Variants in FIGN observed in about 807,000 individuals in gnomAD.
The protein encoded by FIGN is fidgetin, microtubule severing factor.
In FIGN, 11 loss-of-function variants were observed where a neutral mutation model predicts 51.3. The observed-to-expected ratio is 0.21, with a 90% confidence interval of 0.13 to 0.35. The LOEUF (loss-of-function observed/expected upper bound fraction) is 0.35. Ranked by LOEUF, FIGN falls within the 10% of genes least tolerant of loss-of-function variation. The probability of loss-of-function intolerance (pLI) is 1.00; values close to 1 mark genes in which losing one functional copy is unlikely to be tolerated. For missense variants in FIGN, 857 were observed against 943.6 expected, an observed-to-expected ratio of 0.91 and a Z score of 1.20; for synonymous variants, 407 against 363.2, an observed-to-expected ratio of 1.12 and a Z score of -1.37.
rs1308361820 is a variant in FIGN at position 163,610,912 on chromosome 2, G to A, written c.920C>T (p.Ala307Val). The stretch of plus-strand genomic sequence containing the variant: ...AGAACTTGCTGAACTGTTTGTCAGA[G>A]CCGACGGTGCAATAGGTGTCAAACC... ...GHGLTPIAPSALTNSSASSLK... is the reference protein window; with the variant it reads ...GHGLTPIAPSVLTNSSASSLK... The change falls in exon 3 of 3, where the codon GCT (alanine) becomes GTT (valine). Residue 307 changes from alanine (A) to valine (V), a missense_variant. By Grantham distance (64) the Ala-to-Val change is moderately conservative. Transcript: ENST00000333129. 6.2e-7 allele frequency: 1 copy of A among 1,613,752 alleles called. No individual in the cohort carries two copies. Among genetic ancestry groups the A allele is most frequent in the African/African-American group, 1.3e-5 (1 of 74,820 alleles).
At chr2:163,677,993 A>G (rs1168596496) in intron 2 of FIGN, among the ~76,000 whole-genome samples, 2 of 152,236 alleles carry the variant, frequency 1.3e-5, no homozygotes, top group Non-Finnish European at 2.9e-5. Flanking sequence ...AAAGCTGAAA[A>G]GATAGTAGAG....
At chr2:163,613,397 C>T (rs1558996091) in intron 2 of FIGN, among the ~76,000 whole-genome samples, 1 of 152,110 alleles carries the variant, frequency 6.6e-6, no homozygotes, top group African/African-American at 2.4e-5. Flanking sequence ...TGAATTACTA[C>T]AGTCTATTTT....
chr2:163,688,732 C>A lies in FIGN; in HGVS notation c.25+46171G>T, dbSNP rs563398509. Among the ~76,000 whole-genome samples, 10 of 152,234 alleles carry A rather than the reference C, an allele frequency of 6.6e-5. No individual in the cohort carries two copies. The South Asian group carries it at 1.2e-3, about 19-fold the overall frequency. On this transcript the variant is annotated intron_variant, in intron 2 of 2. Coordinates refer to ENST00000333129, the MANE Select transcript of FIGN (RefSeq NM_018086.4). The stretch of plus-strand genomic sequence containing the variant: ...CAAAGTTGGTCGCAAGAGGGAGAAC[C>A]TAAAGCCAAAGTTAACAACTCTGGA...
At chr2:163,669,356 C>T (rs948371222) in intron 2 of FIGN, among the ~76,000 whole-genome samples, 7 of 152,132 alleles carry the variant, frequency 4.6e-5, no homozygotes, top group South Asian at 2.1e-4. Flanking sequence ...GGACTACAGG[C>T]GCATGCCACC....
Position 163,614,511 on chromosome 2 carries a change from TC to T in FIGN, c.26-2706del, listed in dbSNP as rs377647398. Among the ~76,000 whole-genome samples the T allele has an allele frequency of 8.1e-4, 124 of 152,258 alleles. 2 individuals are homozygous for T. In the South Asian group the frequency reaches 0.019, roughly 24 times the overall value. On this transcript the variant is annotated intron_variant, in intron 2 of 2. Transcript: ENST00000333129. ...ATTTCTAGGGAATTTCTATTATGGT[TC>T]TTTTCTTTAAAATATTATCAAAATA...
At chr2:163,661,466 T>A (rs945714656) in intron 2 of FIGN, among the ~76,000 whole-genome samples, 1 of 151,510 alleles carries the variant, frequency 6.6e-6, no homozygotes, top group Non-Finnish European at 1.5e-5. Flanking sequence ...GTGTGATCTC[T>A]GCTCACTGCA....
intron 2 of FIGN, among the ~76,000 whole-genome samples, chr2:163,719,085 G>A (rs925682266): frequency 6.6e-6 from 1 of 151,966 alleles, no homozygotes; most frequent in Non-Finnish European, 1.5e-5. Flanking sequence ...CAGAAGATAC[G>A]ACAAGAGAAT....
At chr2:163,613,911 T>A (rs912616895) in intron 2 of FIGN, among the ~76,000 whole-genome samples, 1 of 152,294 alleles carries the variant, frequency 6.6e-6, no homozygotes, top group South Asian at 2.1e-4. Flanking sequence ...TGTAACTTAA[T>A]CAACCTAAAT....
rs572296638 is a variant in FIGN at position 163,638,787 on chromosome 2, C to A, written c.26-26981G>T. 2.0e-5 allele frequency among the ~76,000 whole-genome samples: 3 copies of A among 152,248 alleles called. No individual in the cohort carries two copies. In the South Asian group the frequency reaches 6.2e-4, roughly 32 times the overall value. Reference sequence around the variant, plus strand: ...GTAATTTCCTAATCATACTAATATTCATGCTTTTATCACTACCCAACCTAG... The same window carrying A: ...GTAATTTCCTAATCATACTAATATTAATGCTTTTATCACTACCCAACCTAG... On this transcript the variant is annotated intron_variant, in intron 2 of 2. Coordinates refer to ENST00000333129, the MANE Select transcript of FIGN (RefSeq NM_018086.4).
intron 2 of FIGN, among the ~76,000 whole-genome samples, chr2:163,719,985 TA>T (rs1559032221): frequency 6.6e-6 from 1 of 152,168 alleles, no homozygotes; most frequent in Admixed American, 6.5e-5. Flanking sequence ...TCATTTTTTT[TA>T]AACCTCTAAG....
intron 2 of FIGN, among the ~76,000 whole-genome samples, chr2:163,650,586 T>C (rs1683457635): frequency 6.8e-6 from 1 of 146,544 alleles, no homozygotes; most frequent in Non-Finnish European, 1.5e-5. Flanking sequence ...TTCCCCTCCC[T>C]GTGTCCATGT....
chr2:163,702,964 C>T (rs1023499155), intron 2 of FIGN, among the ~76,000 whole-genome samples: 6 of 151,366 alleles, frequency 4.0e-5, no homozygotes, highest in African/African-American at 7.3e-5. Context: ...ACTAAAAGCT[C>T]GGCATAATTA....
At chr2:163,705,812 T>C (rs1684490918) in intron 2 of FIGN, among the ~76,000 whole-genome samples, 1 of 152,108 alleles carries the variant, frequency 6.6e-6, no homozygotes, top group East Asian at 1.9e-4. Flanking sequence ...GTTTGTTTTT[T>C]AACATAACTG....
chr2:163,655,139 A>C (rs1683538950), intron 2 of FIGN, among the ~76,000 whole-genome samples: 1 of 151,874 alleles, frequency 6.6e-6, no homozygotes, highest in South Asian at 2.1e-4. Flanking sequence ...CTAGTAAATA[A>C]ATACAGTATT....
At chr2:163,630,833 A>C (rs1683134863) in intron 2 of FIGN, among the ~76,000 whole-genome samples, 1 of 152,228 alleles carries the variant, frequency 6.6e-6, no homozygotes, top group African/African-American at 2.4e-5. Flanking sequence ...CAATTAAAAA[A>C]ATCCCATTTC....
chr2:163,682,258 A>C (rs539547139), intron 2 of FIGN, among the ~76,000 whole-genome samples: 1 of 152,362 alleles, frequency 6.6e-6, no homozygotes, highest in East Asian at 1.9e-4. Context: ...ATTCTCTAAC[A>C]AAAGAGCATT....
intron 2 of FIGN, among the ~76,000 whole-genome samples, chr2:163,695,607 C>T (rs552546694): frequency 6.6e-6 from 1 of 152,226 alleles, no homozygotes; most frequent in South Asian, 2.1e-4. Context: ...AAATGAAAGA[C>T]TATTAGTAAT....
At chr2:163,612,627 C>G in intron 2 of FIGN, 2 of 984,508 alleles carry the variant, frequency 2.0e-6, no homozygotes, top group Non-Finnish European at 2.4e-6. Context: ...GGTCTTCTAG[C>G]GTTCTCCCTC....
At position 163,611,391 on chromosome 2, in the gene FIGN, A is replaced by T. The variant is rs1330844203; in HGVS notation, c.441T>A (p.Ser147Arg). 1 of 1,614,042 alleles carries T rather than the reference A, an allele frequency of 6.2e-7. No individual in the cohort carries two copies. The change falls in exon 3 of 3, where the codon AGT becomes AGA. Residue 147 changes from serine (S) to arginine (R), a missense_variant. Ser to Arg is a moderately radical substitution (Grantham distance 110). Around this residue, in one of 3 missense-constraint regions of FIGN, gnomAD observed 799 missense variants for 849.5 expected, o/e 0.94. Coordinates refer to ENST00000333129, the MANE Select transcript of FIGN (RefSeq NM_018086.4). The part of the protein sequence containing the change: ...SALPPADVSA[S>R]IGSSPGVASN... ...TGGCTACCCCAGGAGAGCTTCCTAT[A>T]CTCGCAGAGACATCTGCTGGAGGGA...
Sources: gnomAD v4.1 joint callset for allele counts (sites outside exome capture counted in the v4.1 genomes callset) on GRCh38, gnomAD v4.1.1 for gene constraint, gnomAD v4.1.1 regional missense constraint, MANE v1.5 for transcripts, NCBI Gene and HGNC (gene_info 2026-07-23, HGNC 2026-07-21) for gene names.